The following ADAMTS17 variants were observed in gnomAD, a reference collection of about 807,000 sequenced individuals.
ADAMTS17 encodes the protein ADAM metallopeptidase with thrombospondin type 1 motif 17.
ADAMTS17 carries 113 observed loss-of-function variants against 141.5 expected under a neutral mutation model. The ratio of observed to expected loss-of-function variants is 0.80; its 90% confidence interval spans 0.69 to 0.93. The LOEUF is 0.93. Ranked by LOEUF, ADAMTS17 falls within the 40% of genes least tolerant of loss-of-function variation. The probability of loss-of-function intolerance (pLI) is 0.00; values close to 1 mark genes in which losing one functional copy is unlikely to be tolerated. For missense variants in ADAMTS17, 1,659 were observed against 1,517.9 expected, an observed-to-expected ratio of 1.09 and a Z score of -1.54; for synonymous variants, 768 against 630.6, an observed-to-expected ratio of 1.22 and a Z score of -3.27.
At chr15:100,100,977 G>C (rs1366612177) in intron 14 of ADAMTS17, among the ~76,000 whole-genome samples, 3 of 151,642 alleles carry the variant, frequency 2.0e-5, no homozygotes, top group African/African-American at 7.3e-5. Flanking sequence ...AACCAGAATA[G>C]CCTCTTAACT....
intron 7 of ADAMTS17, among the ~76,000 whole-genome samples, chr15:100,232,146 G>C (rs1026757449): frequency 6.6e-6 from 1 of 152,162 alleles, no homozygotes; most frequent in African/African-American, 2.4e-5. Flanking sequence ...AATTGGGTTG[G>C]GTTGGGGATA....
intron 12 of ADAMTS17, among the ~76,000 whole-genome samples, chr15:100,127,818 G>C (rs1162803626): frequency 6.6e-6 from 1 of 152,242 alleles, no homozygotes; most frequent in Middle Eastern, 3.4e-3. Context: ...CTGACCTCAG[G>C]TGATCCACCT....
intron 18 of ADAMTS17, among the ~76,000 whole-genome samples, chr15:100,045,120 T>C (rs1024951903): frequency 6.6e-6 from 1 of 151,314 alleles, no homozygotes; most frequent in Non-Finnish European, 1.5e-5. Context: ...TAATTTGGAT[T>C]TTTTTAGAAG....
chr15:100,125,505 G>GT (rs1230278578), intron 12 of ADAMTS17, among the ~76,000 whole-genome samples: 1 of 152,130 alleles, frequency 6.6e-6, no homozygotes, highest in Non-Finnish European at 1.5e-5. Flanking sequence ...TGACCCTGCT[G>GT]TGTCCCAGCT....
Position 100,053,998 on chromosome 15 carries a change from C to T in ADAMTS17, c.2194G>A (p.Gly732Arg), listed in dbSNP as rs962745047. 7.4e-6 allele frequency: 12 copies of T among 1,614,028 alleles called. No individual in the cohort carries two copies. The highest frequency in any genetic ancestry group is 4.0e-5 in the African/African-American group (3 of 74,916). ...GTTGTGCCTGCAATCTGGAACTCTC[C>T]GGGGAGCTCTATCTTCCAGTCACTG... ...INSDWKIELP[G>R]EFQIAGTTVR... The change falls in exon 16 of 22, where the codon GGA becomes AGA. Residue 732 changes from glycine to arginine, a missense_variant. Transcript: ENST00000268070.
chr15:100,020,844 TG>T (rs1296177601), intron 18 of ADAMTS17, among the ~76,000 whole-genome samples: 1 of 152,182 alleles, frequency 6.6e-6, no homozygotes, highest in African/African-American at 2.4e-5. Context: ...TAAGGGTGTT[TG>T]GAGACCATGA....
chr15:100,169,103 G>T (rs2040062844), intron 8 of ADAMTS17, among the ~76,000 whole-genome samples: 2 of 152,320 alleles, frequency 1.3e-5, no homozygotes, highest in South Asian at 4.1e-4. Context: ...TACACTCCTG[G>T]TCTGTGAAGG....
intron 8 of ADAMTS17, among the ~76,000 whole-genome samples, chr15:100,185,386 C>T (rs765414943): frequency 1.3e-5 from 2 of 152,346 alleles, no homozygotes; most frequent in South Asian, 4.1e-4. Flanking sequence ...TGTGAACCCA[C>T]AGTGTGCACT....
intron 18 of ADAMTS17, among the ~76,000 whole-genome samples, chr15:100,009,620 C>G (rs372578625): frequency 6.6e-6 from 1 of 152,162 alleles, no homozygotes; most frequent in African/African-American, 2.4e-5. Flanking sequence ...GCCTGACACT[C>G]CACAGGCCCG....
chr15:100,178,859 T>C (rs2040426638), intron 8 of ADAMTS17, among the ~76,000 whole-genome samples: 3 of 152,166 alleles, frequency 2.0e-5, no homozygotes, highest in Admixed American at 2.0e-4. Flanking sequence ...TTAAAAAAAA[T>C]TTTGTGCCAC....
At chr15:100,312,813 A>T (rs1189713999) in intron 3 of ADAMTS17, among the ~76,000 whole-genome samples, 3 of 152,018 alleles carry the variant, frequency 2.0e-5, no homozygotes, top group Non-Finnish European at 4.4e-5. Context: ...GAGCCTAAGT[A>T]TAACTTTAAT....
intron 3 of ADAMTS17, among the ~76,000 whole-genome samples, chr15:100,315,679 A>AT (rs1021144186): frequency 5.3e-5 from 8 of 152,196 alleles, no homozygotes; most frequent in African/African-American, 1.4e-4. Context: ...TCCACAAAAA[A>AT]TTTTAAAAAA....
At chr15:100,172,629 C>T (rs1024622734) in intron 8 of ADAMTS17, among the ~76,000 whole-genome samples, 1 of 152,152 alleles carries the variant, frequency 6.6e-6, no homozygotes, top group African/African-American at 2.4e-5. Flanking sequence ...ACTATTCACC[C>T]CACCACTCTG....
At chr15:100,068,119 T>C (rs2033683821) in intron 15 of ADAMTS17, among the ~76,000 whole-genome samples, 1 of 152,148 alleles carries the variant, frequency 6.6e-6, no homozygotes, top group Admixed American at 6.5e-5. Context: ...TGCGCATGTC[T>C]CGGAGGGTCC....
At chr15:100,229,762 A>G (rs542731685) in intron 7 of ADAMTS17, among the ~76,000 whole-genome samples, 1 of 152,226 alleles carries the variant, frequency 6.6e-6, no homozygotes, top group Non-Finnish European at 1.5e-5. Context: ...CCTCTCCCTG[A>G]CCAAATGCAA....
intron 12 of ADAMTS17, chr15:100,128,538 C>T (rs534695409): frequency 1.6e-4 from 25 of 152,306 alleles, no homozygotes; most frequent in African/African-American, 5.8e-4. Flanking sequence ...TCTCCCATTC[C>T]TCAATGATAA....
intron 2 of ADAMTS17, among the ~76,000 whole-genome samples, chr15:100,339,377 G>A (rs1014638527): frequency 8.5e-5 from 13 of 152,134 alleles, no homozygotes; most frequent in African/African-American, 2.7e-4. Flanking sequence ...TCACTAAACC[G>A]CAGCAAATGG....
chr15:100,013,984 G>A (rs1046811993), intron 18 of ADAMTS17, among the ~76,000 whole-genome samples: 4 of 152,090 alleles, frequency 2.6e-5, no homozygotes, highest in Admixed American at 6.5e-5. Context: ...TGAATGTCTG[G>A]TAGAATTCTG....
In ADAMTS17 at chr15:99,998,735, T is replaced by C. The variant is rs1398219142; in HGVS notation, c.2592-1146A>G. 3.3e-5 allele frequency among the ~76,000 whole-genome samples: 5 copies of C among 152,348 alleles called. No homozygotes were observed. The East Asian group carries it at 9.6e-4, about 29-fold the overall frequency. Reference sequence around the variant, plus strand: ...GCAGCTTGGGAATCATGCTTCCTCATGACACACAAAGGGCTTCCAGTGCCC... The same window carrying C: ...GCAGCTTGGGAATCATGCTTCCTCACGACACACAAAGGGCTTCCAGTGCCC... On this transcript the variant is annotated intron_variant, in intron 18 of 21. Transcript: ENST00000268070.
Sources: allele counts gnomAD v4.1 joint callset (sites outside exome capture counted in the v4.1 genomes callset), GRCh38; gene constraint gnomAD v4.1.1; transcripts MANE v1.5; gene names NCBI Gene and HGNC (gene_info 2026-07-23, HGNC 2026-07-21).